The following PDE11A variants were observed in gnomAD, a reference collection of about 807,000 sequenced individuals.
PDE11A encodes phosphodiesterase 11A.
In PDE11A, 100 loss-of-function variants were observed where a neutral mutation model predicts 100.5. That is an observed-to-expected ratio of 1.00 (90% CI 0.85 to 1.18). PDE11A has a LOEUF of 1.18. Among genes scored for constraint, PDE11A ranks in the 50% most tolerant of loss-of-function variants. PDE11A has a pLI of 0.00. For missense variants in PDE11A, 1,141 were observed against 1,152.6 expected (o/e 0.99, Z 0.15); for synonymous variants, 381 against 420.8 (o/e 0.91, Z 1.16).
intron 19 of PDE11A, among the ~76,000 whole-genome samples, chr2:177,647,827 T>C (rs534100957): frequency 4.0e-4 from 61 of 152,340 alleles, no homozygotes; most frequent in Admixed American, 1.4e-3. Flanking sequence ...TACAGCCTGA[T>C]AAAGACAGTG....
At chr2:177,908,674 C>T (rs75712985) in intron 2 of PDE11A, among the ~76,000 whole-genome samples, 3 of 152,074 alleles carry the variant, frequency 2.0e-5, no homozygotes, top group African/African-American at 2.4e-5. Flanking sequence ...CCAGCTATAG[C>T]GTGGAAAATG....
intron 1 of PDE11A, among the ~76,000 whole-genome samples, chr2:178,025,043 C>T (rs2086462039): frequency 6.6e-6 from 1 of 152,160 alleles, no homozygotes; most frequent in African/African-American, 2.4e-5. Flanking sequence ...CTTTAGGCCT[C>T]CTAATTTGAT....
intron 19 of PDE11A, among the ~76,000 whole-genome samples, chr2:177,634,364 C>T (rs1019487125): frequency 7.4e-5 from 11 of 149,398 alleles, no homozygotes; most frequent in Non-Finnish European, 1.3e-4. Context: ...AAACTCCTAT[C>T]TTGAAAACTT....
Position 178,071,779 on chromosome 2 carries a change from C to G in PDE11A, c.659G>C (p.Ser220Thr). ...KDISNDLDLT[S>T]LSYKILIFVC... The stretch of plus-strand genomic sequence containing the variant: ...AAAGATGAGAATCTTGTAGCTCAGG[C>G]TGGTGAGGTCAAGGTCATTGGAGAT... Residue 220 changes from serine to threonine, a missense_variant, in exon 1 of 20, where the codon AGC becomes ACC. Transcript: ENST00000286063. The G allele has an allele frequency of 6.2e-7, 1 of 1,613,660 alleles. No homozygotes were observed. Among genetic ancestry groups the G allele is most frequent in the South Asian group, 1.1e-5 (1 of 91,056 alleles).
At chr2:177,843,683 G>A (rs1439783083) in intron 5 of PDE11A, among the ~76,000 whole-genome samples, 1 of 152,192 alleles carries the variant, frequency 6.6e-6, no homozygotes, top group African/African-American at 2.4e-5. Context: ...GCAAGGCAGG[G>A]TTGAGGCCGT....
chr2:177,640,238 C>T (rs191257262), intron 19 of PDE11A, among the ~76,000 whole-genome samples: 15 of 152,250 alleles, frequency 9.9e-5, no homozygotes, highest in Non-Finnish European at 1.0e-4. Context: ...ACTTATCTTA[C>T]GTATCTGTTT....
At chr2:177,730,003 A>G (rs1301321420) in intron 10 of PDE11A, among the ~76,000 whole-genome samples, 1 of 152,142 alleles carries the variant, frequency 6.6e-6, no homozygotes, top group African/African-American at 2.4e-5. Flanking sequence ...CAAAAAAAGA[A>G]ACAGAGGGAA....
At chr2:178,003,928 A>G (rs1005653625) in intron 2 of PDE11A, among the ~76,000 whole-genome samples, 9 of 152,174 alleles carry the variant, frequency 5.9e-5, no homozygotes, top group Admixed American at 3.3e-4. Flanking sequence ...GTAATTTTGT[A>G]AGAATGTGAT....
At chr2:177,842,548 TTAAGAA>T (rs890930173) in intron 5 of PDE11A, among the ~76,000 whole-genome samples, 1 of 152,142 alleles carries the variant, frequency 6.6e-6, no homozygotes, top group Non-Finnish European at 1.5e-5. Context: ...GGAGAACTGT[TTAAGAA>T]TATGGAGCAG....
At chr2:177,920,610 G>A (rs548817519) in intron 2 of PDE11A, among the ~76,000 whole-genome samples, 2 of 152,078 alleles carry the variant, frequency 1.3e-5, no homozygotes, top group Non-Finnish European at 1.5e-5. Flanking sequence ...GAACAGTTTT[G>A]CAAAATATAT....
intron 19 of PDE11A, among the ~76,000 whole-genome samples, chr2:177,634,535 C>T (rs1453219113): frequency 6.6e-6 from 1 of 151,886 alleles, no homozygotes; most frequent in Non-Finnish European, 1.5e-5. Context: ...CTACAGGCGC[C>T]CGCCACCACG....
chr2:177,744,061 G>GAAT (rs765628741), intron 10 of PDE11A, among the ~76,000 whole-genome samples: 1 of 152,184 alleles, frequency 6.6e-6, no homozygotes, highest in African/African-American at 2.4e-5. Context: ...GCAAGAAAGG[G>GAAT]AATAGTAGGG....
chr2:178,080,373 G>T (rs1452727714), intron 2 of PDE11A, among the ~76,000 whole-genome samples: 2 of 152,172 alleles, frequency 1.3e-5, no homozygotes, highest in Non-Finnish European at 2.9e-5. Flanking sequence ...TGGCCAGCCA[G>T]TTCTCCCAGC....
chr2:177,820,949 A>G (rs1558955413), intron 6 of PDE11A, among the ~76,000 whole-genome samples: 1 of 151,910 alleles, frequency 6.6e-6, no homozygotes, highest in Non-Finnish European at 1.5e-5. Flanking sequence ...ACAGTGGTCC[A>G]TATTTGAATG....
intron 18 of PDE11A, among the ~76,000 whole-genome samples, chr2:177,666,776 T>C (rs577265019): frequency 6.6e-6 from 1 of 152,180 alleles, no homozygotes; most frequent in South Asian, 2.1e-4. Context: ...ATAATAGTTC[T>C]TTTTATCTTC....
chr2:177,901,644 C>T (rs529350007), intron 3 of PDE11A, among the ~76,000 whole-genome samples: 1 of 152,134 alleles, frequency 6.6e-6, no homozygotes, highest in Non-Finnish European at 1.5e-5. Context: ...TGATATTTGG[C>T]ATTTGGACAG....
At chr2:177,948,414 T>G (rs12615564) in intron 2 of PDE11A, among the ~76,000 whole-genome samples, 24,080 of 152,162 alleles carry the variant, frequency 0.16, 1,970 homozygotes, top group Middle Eastern at 0.27. Context: ...TATACTCCTA[T>G]GTACAATATA....
rs187188344 is a variant in PDE11A at position 177,994,004 on chromosome 2, C to T, written c.1071+20298G>A. On this transcript the variant is annotated intron_variant, in intron 2 of 19. Transcript: ENST00000286063. ...AGGCTGAAGTGCAATGGAGCAATCT[C>T]GGCTCACTGCAACCTCCCCCTCCCC... Among the ~76,000 whole-genome samples, 1,054 of 150,154 alleles carry T rather than the reference C, an allele frequency of 7.0e-3. 4 individuals are homozygous for T. The highest frequency in any genetic ancestry group is 0.013 in the South Asian group (61 of 4,740).
chr2:177,861,732 A>G (rs2083949135), intron 5 of PDE11A, among the ~76,000 whole-genome samples: 1 of 151,972 alleles, frequency 6.6e-6, no homozygotes, highest in Non-Finnish European at 1.5e-5. Flanking sequence ...CATACAGATT[A>G]ATGGAGTAGA....
Sources: allele counts gnomAD v4.1 joint callset (sites outside exome capture counted in the v4.1 genomes callset), GRCh38; gene constraint gnomAD v4.1.1; transcripts MANE v1.5; gene names NCBI Gene and HGNC (gene_info 2026-07-23, HGNC 2026-07-21).